The following BDP1 variants were observed in gnomAD, a reference collection of about 807,000 sequenced individuals.
The protein encoded by BDP1 is transcription factor TFIIIB component B'' homolog.
Under a neutral mutation model 266.6 loss-of-function variants are expected in BDP1, and 169 were observed. That is an observed-to-expected ratio of 0.63 (90% confidence interval 0.56 to 0.72). The LOEUF is 0.72. BDP1 is among the 30% of genes least tolerant of loss of function. The probability of loss-of-function intolerance (pLI) is 0.00; values close to 1 mark genes in which losing one functional copy is unlikely to be tolerated. For synonymous variants in BDP1, 1,090 were observed against 1,022.4 expected (o/e 1.07, Z -1.26); for missense variants, 3,015 against 3,053.8 (o/e 0.99, Z 0.30).
chr5:71,564,851 A>T lies in BDP1; in HGVS notation c.7841A>T (p.Asn2614Ile). ...EATTVSEYFF[N>I]DIFIEVDETE ...ACCACAGTCTCTGAATATTTCTTCA[A>T]TGATATCTTCATTGAAGTGGATGAA... is the stretch of plus-strand genomic sequence containing the variant. Residue 2614 changes from asparagine (N) to isoleucine (I), a missense_variant, in exon 39 of 39, where the codon AAT (asparagine) becomes ATT (isoleucine). Around this residue, in one of 3 missense-constraint regions of BDP1, gnomAD observed 629 missense variants for 632.5 expected, o/e 0.99. Transcript: ENST00000358731. 2 of 1,610,034 alleles carry T rather than the reference A, an allele frequency of 1.2e-6. No individual in the cohort carries two copies. The highest frequency in any genetic ancestry group is 1.7e-6 in the Non-Finnish European group (2 of 1,179,230).
At position 71,566,019 on chromosome 5, in the gene BDP1, GTTTAA is replaced by G. The variant is rs1744010755; in HGVS notation, c.*1138_*1142del. ...AAATTTATGTTTGTCTCCTTTTTCT[GTTTAA>G]TTTTAAAGATATTTAAAATGATATA... On this transcript the variant is annotated 3_prime_UTR_variant, in exon 39 of 39. Transcript: ENST00000358731. 4.5e-6 allele frequency: 1 copy of G among 221,184 alleles called. No homozygotes were observed. The highest frequency in any genetic ancestry group is 1.0e-5 in the Non-Finnish European group (1 of 99,824). 13.7% of individuals were successfully genotyped at this position (221,184 alleles called of 1,614,324 possible).
At chr5:71,562,830 T>C in intron 38 of BDP1, 1 of 1,312,568 alleles carries the variant, frequency 7.6e-7, no homozygotes, top group Non-Finnish European at 1.0e-6. Context: ...CACAAGAATT[T>C]AAGGAACTGT....
chr5:71,525,708 G>A (rs1248096826), intron 25 of BDP1, among the ~76,000 whole-genome samples: 1 of 147,440 alleles, frequency 6.8e-6, no homozygotes, highest in Non-Finnish European at 1.5e-5. Flanking sequence ...CCTCCCTTCC[G>A]GACGGGGCGG....
intron 25 of BDP1, among the ~76,000 whole-genome samples, chr5:71,525,293 G>A (rs1372673690): frequency 6.7e-6 from 1 of 149,442 alleles, no homozygotes. Context: ...TCCCGGACGG[G>A]GCGGCTGGCC....
chr5:71,574,020 C>T, the BDP1 span, among the ~76,000 whole-genome samples: 33 of 152,188 alleles, frequency 2.2e-4, no homozygotes, highest in Non-Finnish European at 1.8e-4. Context: ...TGTGCCCTGG[C>T]ACCAGTGAGG....
intron 9 of BDP1, among the ~76,000 whole-genome samples, chr5:71,489,096 A>G (rs974329792): frequency 1.3e-5 from 2 of 152,170 alleles, no homozygotes; most frequent in African/African-American, 2.4e-5. Flanking sequence ...GAGCATCTCT[A>G]TATGTAACTG....
At chr5:71,544,880 A>AC in intron 31 of BDP1, among the ~76,000 whole-genome samples, 159 bp from the exon 32 acceptor site, 1 of 58,472 alleles carries the variant, frequency 1.7e-5, no homozygotes, top group African/African-American at 6.1e-5. Flanking sequence ...ACTCTGTCTC[A>AC]AAAAAAAAAA....
intron 34 of BDP1, among the ~76,000 whole-genome samples, chr5:71,551,595 A>G (rs985876883): frequency 1.3e-5 from 2 of 152,218 alleles, no homozygotes; most frequent in Admixed American, 6.5e-5. Flanking sequence ...CCGCCACGTC[A>G]TCATGGCCCA....
At chr5:71,534,717 C>T (rs940138379) in intron 26 of BDP1, among the ~76,000 whole-genome samples, 5 of 151,994 alleles carry the variant, frequency 3.3e-5, no homozygotes, top group Non-Finnish European at 7.4e-5. Context: ...TCTTGGCTCA[C>T]CACAACCTCT....
chr5:71,533,168 C>T (rs2150539393), intron 26 of BDP1, among the ~76,000 whole-genome samples: 1 of 152,218 alleles, frequency 6.6e-6, no homozygotes, highest in African/African-American at 2.4e-5. Context: ...TTTGTATATC[C>T]ATTCATCCAT....
At chr5:71,523,895 C>T in intron 24 of BDP1, 44 bp from the exon 25 acceptor site, 1 of 1,500,870 alleles carries the variant, frequency 6.7e-7, no homozygotes. Flanking sequence ...TAAAATTATC[C>T]TTGCATGCAT....
chr5:71,481,227 T>C (rs938946178), intron 7 of BDP1, among the ~76,000 whole-genome samples: 4 of 149,686 alleles, frequency 2.7e-5, no homozygotes, highest in African/African-American at 4.9e-5. Context: ...TGTTGTAGAG[T>C]GTCTGGATTA....
downstream of BDP1, among the ~76,000 whole-genome samples, chr5:71,569,575 C>G (rs1049640527): frequency 6.6e-6 from 1 of 151,688 alleles, no homozygotes; most frequent in South Asian, 2.1e-4. Context: ...GGCAAAACCC[C>G]TTGTCTACTA....
At chr5:71,569,681 G>T (rs1216268726), downstream of BDP1, among the ~76,000 whole-genome samples, 1 of 152,184 alleles carries the variant, frequency 6.6e-6, no homozygotes, top group South Asian at 2.1e-4. Context: ...AGAGGTGGAG[G>T]TTGCAGTACG....
intron 34 of BDP1, among the ~76,000 whole-genome samples, chr5:71,551,331 G>A (rs541385459): frequency 1.2e-3 from 175 of 152,134 alleles, no homozygotes; most frequent in African/African-American, 3.7e-3. Context: ...AGCATACTGC[G>A]TTCAAGCATC....
At chr5:71,517,843 A>C (rs1171682337) in intron 22 of BDP1, among the ~76,000 whole-genome samples, 1 of 152,200 alleles carries the variant, frequency 6.6e-6, no homozygotes, top group Non-Finnish European at 1.5e-5. Flanking sequence ...AGACGAGAGG[A>C]TCGCTTGAGT....
intron 35 of BDP1, among the ~76,000 whole-genome samples, chr5:71,556,351 T>G (rs1580218012): frequency 6.6e-6 from 1 of 152,194 alleles, no homozygotes. Flanking sequence ...TCTTTTTTTT[T>G]AATTTCCGAT....
Position 71,548,740 on chromosome 5 carries a change from T to A in BDP1, c.6803T>A (p.Leu2268Gln), listed in dbSNP as rs377086683. The change falls in exon 33 of 39, where the codon CTA (leucine) becomes CAA (glutamine). Residue 2268 changes from leucine (L) to glutamine (Q), a missense_variant. Leu to Gln is a moderately radical substitution (Grantham distance 113). Transcript: ENST00000358731. ...QQENIINPQDLTVNLVANVPQ... is the reference protein window; with the variant it reads ...QQENIINPQDQTVNLVANVPQ... The stretch of plus-strand genomic sequence containing the variant: ...GAGAATATAATCAATCCTCAAGACC[T>A]AACAGGTATGATAATATGCTTCAGT... 4 of 1,594,642 alleles carry A rather than the reference T, an allele frequency of 2.5e-6. No homozygotes were observed. Among genetic ancestry groups the A allele is most frequent in the African/African-American group, 2.7e-5 (2 of 74,460 alleles).
intron 29 of BDP1, 31 bp from the exon 30 acceptor site, chr5:71,542,074 A>T: frequency 4.5e-6 from 7 of 1,562,080 alleles, no homozygotes; most frequent in Non-Finnish European, 6.1e-6. Flanking sequence ...ATCTAACATG[A>T]TTCATGAATT....
Sources: gnomAD v4.1 joint callset for allele counts (sites outside exome capture counted in the v4.1 genomes callset) on GRCh38, gnomAD v4.1.1 for gene constraint, gnomAD v4.1.1 regional missense constraint, MANE v1.5 for transcripts, NCBI Gene and HGNC (gene_info 2026-07-23, HGNC 2026-07-21) for gene names.